Variants in POMT2 observed in about 807,000 individuals in gnomAD.
POMT2 encodes the protein protein O-mannosyl-transferase 2.
A neutral mutation model predicts 100.0 loss-of-function variants in POMT2; 75 were observed. The ratio of observed to expected loss-of-function variants is 0.75; its 90% confidence interval spans 0.62 to 0.91. The LOEUF is 0.91. Among genes scored for constraint, POMT2 ranks in the 40% least tolerant of loss-of-function variants. The pLI is 0.00. For missense variants in POMT2, 940 were observed against 955.1 expected (o/e 0.98, Z 0.21); for synonymous variants, 378 against 374.1 (o/e 1.01, Z -0.12).
At chr14:77,299,831 C>A (rs1031668891) in intron 6 of POMT2, 1 of 420,122 alleles carries the variant, frequency 2.4e-6, no homozygotes, top group East Asian at 5.1e-5. Flanking sequence ...GACAAGGCAC[C>A]TGCATCTGCA....
At chr14:77,306,521 C>T (rs1474579241) in intron 2 of POMT2, 80 bp from the exon 3 acceptor site, 2 of 1,523,982 alleles carry the variant, frequency 1.3e-6, no homozygotes, top group Non-Finnish European at 1.8e-6. Context: ...CCTCCAGCTG[C>T]ACCCACAGAC....
In POMT2 at chr14:77,285,542, G is replaced by A. The variant is rs746000047; in HGVS notation, c.1423C>T (p.Arg475Cys). The part of the protein sequence containing the change: ...NRIKVLRSRI[R>C]FIHLVTGCVL... ...CAACCTGTGACCAAATGGATGAAGCGAATTCGACTTCTCAGCACTTTGATC... is the reference window on the plus strand; with the variant it reads ...CAACCTGTGACCAAATGGATGAAGCAAATTCGACTTCTCAGCACTTTGATC... Residue 475 changes from arginine to cysteine, a missense_variant, in exon 13 of 21, where the codon CGC becomes TGC. By Grantham distance (180) the Arg-to-Cys change is radical. Transcript: ENST00000261534. The A allele has an allele frequency of 5.0e-6, 8 of 1,614,150 alleles. No homozygotes were observed. The highest frequency in any genetic ancestry group is 2.2e-5 in the East Asian group (1 of 44,880).
intron 6 of POMT2, 89 bp downstream of exon 6, chr14:77,301,001 C>T: frequency 1.2e-6 from 2 of 1,609,502 alleles, no homozygotes; most frequent in Non-Finnish European, 1.7e-6. Context: ...CACTCTGCCA[C>T]CTGCAGTAGA....
At chr14:77,279,792 G>A (rs762176595) in intron 18 of POMT2, 31 bp downstream of exon 18, 4 of 1,600,610 alleles carry the variant, frequency 2.5e-6, no homozygotes, top group African/African-American at 2.7e-5. Flanking sequence ...CTGCCGCCAG[G>A]TCAGGGGAGG....
At chr14:77,307,076 A>G (rs1891251934) in intron 2 of POMT2, among the ~76,000 whole-genome samples, 1 of 152,266 alleles carries the variant, frequency 6.6e-6, no homozygotes, top group Non-Finnish European at 1.5e-5. Context: ...ACTGTGAGTC[A>G]TGAATCCTTC....
rs1367669607 is a variant in POMT2, at chr14:77,275,932, C to A, written c.*1444G>T. 1 of 152,660 alleles carries A rather than the reference C, an allele frequency of 6.6e-6. No individual in the cohort carries two copies. Among genetic ancestry groups the A allele is most frequent in the Non-Finnish European group, 1.5e-5 (1 of 68,074 alleles). 9.5% of individuals were successfully genotyped at this position (152,660 alleles called of 1,614,324 possible). A position where few individuals can be genotyped will look rare whatever the true frequency, so the allele number is the denominator to read the frequency against. ...ACCCAGTAGGTAGCACAGCCTGTCC[C>A]TGGGACCAATATCCAGTCTCCGTGG... On this transcript the variant is annotated 3_prime_UTR_variant, in exon 21 of 21. Transcript: ENST00000261534.
intron 10 of POMT2, among the ~76,000 whole-genome samples, chr14:77,290,926 A>G (rs1890615962): frequency 1.3e-5 from 2 of 152,316 alleles, no homozygotes; most frequent in South Asian, 4.1e-4. Context: ...CACATGCTAG[A>G]GTGTGCAATG....
intron 11 of POMT2, 143 bp from the exon 12 acceptor site, chr14:77,286,965 G>T (rs529943127): frequency 8.2e-5 from 122 of 1,488,414 alleles, no homozygotes; most frequent in Non-Finnish European, 1.1e-4. Context: ...ATCAGGAACT[G>T]GTTTCCTATT....
chr14:77,279,058 G>GGCCTCACTAGGCTGGGC, intron 18 of POMT2, 189 bp from the exon 19 acceptor site: 1 of 761,626 alleles, frequency 1.3e-6, no homozygotes. Context: ...TCAGGGCCCA[G>GGCCTCACTAGGCTGGGC]CCTAGTGAGG....
chr14:77,301,010 G>A lies in POMT2; in HGVS notation c.816+80C>T, dbSNP rs978684415. The A allele has an allele frequency of 1.1e-5, 18 of 1,610,112 alleles. No homozygotes were observed. In the African/African-American group the frequency reaches 2.3e-4, roughly 20 times the overall value. ...CACAGCCACTCTGCCACCTGCAGTA[G>A]AGACAGAGAAGGCCACCAGCTCCTA... On this transcript the variant is annotated intron_variant, in intron 6 of 20. Coordinates refer to ENST00000261534, the MANE Select transcript of POMT2 (RefSeq NM_013382.7).
At chr14:77,285,723 C>G in intron 12 of POMT2, 91 bp from the exon 13 acceptor site, 1 of 1,464,092 alleles carries the variant, frequency 6.8e-7, no homozygotes, top group East Asian at 2.3e-5. Context: ...CAGATGCCAC[C>G]ATGTTATGAA....
chr14:77,301,120 C>A lies in POMT2; in HGVS notation c.786G>T (p.Trp262Cys). Residue 262 changes from tryptophan to cysteine, a missense_variant, in exon 6 of 21, where the codon TGG becomes TGT. Physicochemically the swap from Trp to Cys is radical, Grantham distance 215 (BLOSUM62 -2). Coordinates refer to ENST00000261534, the MANE Select transcript of POMT2 (RefSeq NM_013382.7). ...AAAGACTGAGGTCTCCGAACAGGTA[C>A]CAAAGGTCTGCAATGGTGTTCAGCC... is the stretch of plus-strand genomic sequence containing the variant. Reference protein sequence around the residue: ...QVGLNTIADLWYLFGDLSLSL... With the variant: ...QVGLNTIADLCYLFGDLSLSL... The A allele has an allele frequency of 6.2e-7, 1 of 1,614,210 alleles. No homozygotes were observed. Among genetic ancestry groups the A allele is most frequent in the South Asian group, 1.1e-5 (1 of 91,086 alleles).
chr14:77,280,271 C>T (rs557931024), intron 16 of POMT2, 121 bp downstream of exon 16: 29 of 1,563,148 alleles, frequency 1.9e-5, no homozygotes, highest in African/African-American at 1.4e-4. Flanking sequence ...CACCTCTGGC[C>T]AACCCATCCC....
At chr14:77,318,025 G>A (rs796866572) in intron 1 of POMT2, among the ~76,000 whole-genome samples, 14 of 152,320 alleles carry the variant, frequency 9.2e-5, no homozygotes, top group African/African-American at 2.9e-4. Flanking sequence ...GAAGGCCTGC[G>A]TATTGGTAGG....
chr14:77,301,836 G>A (rs1018809889), intron 5 of POMT2, among the ~76,000 whole-genome samples: 5 of 152,088 alleles, frequency 3.3e-5, no homozygotes, highest in Non-Finnish European at 5.9e-5. Context: ...CAGGCAATTG[G>A]GTCAATGTTA....
chr14:77,307,812 T>G (rs1891277705), intron 2 of POMT2, among the ~76,000 whole-genome samples: 1 of 151,422 alleles, frequency 6.6e-6, no homozygotes, highest in South Asian at 2.1e-4. Flanking sequence ...AATTCAATTC[T>G]CTCTCAGTTC....
At chr14:77,288,641 A>C in intron 11 of POMT2, 121 bp downstream of exon 11, 2 of 828,588 alleles carry the variant, frequency 2.4e-6, no homozygotes, top group African/African-American at 1.7e-5. Flanking sequence ...CCATTCTCGC[A>C]CTGTGGCCTT....
At chr14:77,307,616 G>A (rs1474687125) in intron 2 of POMT2, among the ~76,000 whole-genome samples, 1 of 152,140 alleles carries the variant, frequency 6.6e-6, no homozygotes, top group African/African-American at 2.4e-5. Flanking sequence ...TGCTTGGCTG[G>A]TCTAGAGAGA....
Position 77,280,074 on chromosome 14 carries a change from G to A in POMT2, c.1732C>T (p.Arg578Cys), listed in dbSNP as rs148466370. 61 of 1,613,722 alleles carry A rather than the reference G, an allele frequency of 3.8e-5. No individual in the cohort carries two copies. The highest frequency in any genetic ancestry group is 5.5e-5 in the South Asian group (5 of 91,086). The stretch of plus-strand genomic sequence containing the variant: ...TCTGTGTCATTGACCCCTGAGAAGC[G>A]TAGGCCCTGTGGAATAGAGACCACC... ...WHWPINYQGL[R>C]FSGVNDTDFR... The change falls in exon 17 of 21, where the codon CGC becomes TGC. Residue 578 changes from arginine (R) to cysteine (C), a missense_variant. By Grantham distance (180) the Arg-to-Cys change is radical (BLOSUM62 -3). Coordinates refer to ENST00000261534, the MANE Select transcript of POMT2 (RefSeq NM_013382.7).
Sources: allele counts gnomAD v4.1 joint callset (sites outside exome capture counted in the v4.1 genomes callset), GRCh38; gene constraint gnomAD v4.1.1; transcripts MANE v1.5; gene names NCBI Gene and HGNC (gene_info 2026-07-23, HGNC 2026-07-21).